Variants in PSD3 observed in about 807,000 individuals in gnomAD.
PSD3 encodes pleckstrin and Sec7 domain containing 3.
Under a neutral mutation model 105.5 loss-of-function variants are expected in PSD3, and 49 were observed. That is an observed-to-expected ratio of 0.46 (90% CI 0.37 to 0.59). The LOEUF (loss-of-function observed/expected upper bound fraction) is 0.59. Among genes scored for constraint, PSD3 ranks in the 20% least tolerant of loss-of-function variants. The probability of loss-of-function intolerance (pLI) is 0.00; values close to 1 mark genes in which losing one functional copy is unlikely to be tolerated. For synonymous variants in PSD3, 557 were observed against 457.8 expected (o/e 1.22, Z -2.77); for missense variants, 1,561 against 1,263.8 (o/e 1.24, Z -3.57).
At chr8:18,979,138 T>C (rs17469261) in intron 1 of PSD3, among the ~76,000 whole-genome samples, 1,990 of 152,142 alleles carry the variant, frequency 0.013, 20 homozygotes, top group Middle Eastern at 0.027. Context: ...AATAACTGAA[T>C]ACAGTCACTA....
chr8:18,703,854 G>C (rs988517519), intron 9 of PSD3, among the ~76,000 whole-genome samples: 2 of 152,118 alleles, frequency 1.3e-5, no homozygotes, highest in African/African-American at 4.8e-5. Flanking sequence ...AATTTGTCCT[G>C]AAGTATATTT....
chr8:18,663,618 G>C (rs1348966232), intron 9 of PSD3, among the ~76,000 whole-genome samples: 1 of 152,164 alleles, frequency 6.6e-6, no homozygotes, highest in Non-Finnish European at 1.5e-5. Context: ...TTCACCTTGA[G>C]ATTACCTTCT....
intron 12 of PSD3, among the ~76,000 whole-genome samples, chr8:18,577,864 T>C (rs1802558003): frequency 6.6e-6 from 1 of 152,112 alleles, no homozygotes; most frequent in Non-Finnish European, 1.5e-5. Flanking sequence ...CTCGCTCACC[T>C]GCTTCTTTCT....
In PSD3 at chr8:18,626,919, T is replaced by G. The variant is rs373026581; in HGVS notation, c.2410+5694A>C. Among the ~76,000 whole-genome samples, 18 of 152,280 alleles carry G rather than the reference T, an allele frequency of 1.2e-4. No homozygotes were observed. The East Asian group carries it at 3.5e-3, about 29-fold the overall frequency. ...TGCTTAGAATTCCTTATTAATTTCA[T>G]AGTTCAGTAAATATTAGGTCTTAAA... On this transcript the variant is annotated intron_variant, in intron 11 of 15. Transcript: ENST00000327040.
chr8:18,704,217 C>CT (rs1157597978), intron 9 of PSD3, among the ~76,000 whole-genome samples: 4 of 152,150 alleles, frequency 2.6e-5, no homozygotes, highest in Non-Finnish European at 4.4e-5. Context: ...TAAGAATGTG[C>CT]TTTACTCTGG....
intron 1 of PSD3, among the ~76,000 whole-genome samples, chr8:18,972,040 A>T (rs1299878879): frequency 1.3e-5 from 2 of 152,176 alleles, no homozygotes; most frequent in Non-Finnish European, 1.5e-5. Flanking sequence ...AAAGAGTCAG[A>T]TGAAGATTTA....
At chr8:19,046,457 C>T (rs1469633456) in intron 1 of PSD3, among the ~76,000 whole-genome samples, 5 of 152,122 alleles carry the variant, frequency 3.3e-5, no homozygotes, top group Non-Finnish European at 5.9e-5. Flanking sequence ...TAGCAGCAAC[C>T]GATTTCCTTT....
At chr8:18,853,077 G>C (rs564798905) in intron 4 of PSD3, among the ~76,000 whole-genome samples, 6 of 152,256 alleles carry the variant, frequency 3.9e-5, no homozygotes, top group Non-Finnish European at 2.9e-5. Context: ...GAGCCACTCT[G>C]CTTATGTCTC....
At chr8:18,627,940 G>A (rs966836067) in intron 11 of PSD3, among the ~76,000 whole-genome samples, 1 of 151,726 alleles carries the variant, frequency 6.6e-6, no homozygotes, top group African/African-American at 2.4e-5. Flanking sequence ...ATATATTCAA[G>A]GACATGAAGA....
At chr8:18,961,538 A>T (rs1034419742) in intron 1 of PSD3, among the ~76,000 whole-genome samples, 3 of 152,236 alleles carry the variant, frequency 2.0e-5, no homozygotes, top group African/African-American at 7.2e-5. Flanking sequence ...AAAAATAGAA[A>T]AATTAGCTGG....
At chr8:19,011,654 A>G (rs139369026) in intron 1 of PSD3, among the ~76,000 whole-genome samples, 3 of 152,306 alleles carry the variant, frequency 2.0e-5, no homozygotes, top group African/African-American at 7.2e-5. Flanking sequence ...CTTAAGTGCA[A>G]TGTACATAAT....
intron 1 of PSD3, among the ~76,000 whole-genome samples, chr8:18,944,937 C>A (rs1173796588): frequency 6.6e-6 from 1 of 152,118 alleles, no homozygotes; most frequent in Non-Finnish European, 1.5e-5. Flanking sequence ...CTAGAATGAG[C>A]CATTTTATTT....
chr8:18,857,358 G>T (rs1011496608), intron 4 of PSD3, among the ~76,000 whole-genome samples: 1 of 152,110 alleles, frequency 6.6e-6, no homozygotes, highest in Non-Finnish European at 1.5e-5. Flanking sequence ...GCAGGTCCAG[G>T]GTGGTATCTG....
chr8:18,584,869 T>A (rs1325381768), intron 12 of PSD3, among the ~76,000 whole-genome samples: 2 of 152,194 alleles, frequency 1.3e-5, no homozygotes, highest in African/African-American at 4.8e-5. Flanking sequence ...GGCTTATTTT[T>A]TCATAAAGGG....
chr8:18,998,378 C>A (rs1023719651), intron 1 of PSD3, among the ~76,000 whole-genome samples: 5 of 151,958 alleles, frequency 3.3e-5, no homozygotes, highest in Admixed American at 3.3e-4. Context: ...CCTTGCTTCA[C>A]CAGAGCTCAT....
chr8:18,883,796 T>G (rs1175249753), intron 2 of PSD3, among the ~76,000 whole-genome samples: 3 of 152,230 alleles, frequency 2.0e-5, no homozygotes, highest in Admixed American at 6.5e-5. Context: ...ATCTATTTCC[T>G]ATGACTATAG....
intron 2 of PSD3, among the ~76,000 whole-genome samples, chr8:18,883,734 G>A (rs140960230): frequency 1.9e-4 from 29 of 152,164 alleles, no homozygotes; most frequent in African/African-American, 6.5e-4. Flanking sequence ...AGAAATGTAC[G>A]GGGAAATTCA....
At chr8:18,623,465 A>G (rs896976673) in intron 11 of PSD3, among the ~76,000 whole-genome samples, 164 of 149,588 alleles carry the variant, frequency 1.1e-3, no homozygotes, top group African/African-American at 3.6e-3. Context: ...AAAAAAAAAA[A>G]AAAAAGAAAA....
intron 2 of PSD3, among the ~76,000 whole-genome samples, chr8:18,875,642 T>C (rs1817684976): frequency 6.6e-6 from 1 of 151,982 alleles, no homozygotes; most frequent in African/African-American, 2.4e-5. Flanking sequence ...ATACACGCCA[T>C]TCTCCTGCCT....
Sources: allele counts gnomAD v4.1 joint callset (sites outside exome capture counted in the v4.1 genomes callset), GRCh38; gene constraint gnomAD v4.1.1; transcripts MANE v1.5; gene names NCBI Gene and HGNC (gene_info 2026-07-23, HGNC 2026-07-21).